CNIH3: variants seen among roughly 807,000 people sequenced by gnomAD.
CNIH3 encodes protein cornichon homolog 3.
A neutral mutation model predicts 24.1 loss-of-function variants in CNIH3; 14 were observed. That is an observed-to-expected ratio of 0.58 (90% confidence interval 0.38 to 0.91). The LOEUF is 0.91. Ranked by LOEUF, CNIH3 falls within the 40% of genes least tolerant of loss-of-function variation. The pLI is 0.00. For missense variants in CNIH3, 178 were observed against 196.8 expected (o/e 0.90, Z 0.57); for synonymous variants, 68 against 73.8 (o/e 0.92, Z 0.40).
intron 1 of CNIH3, among the ~76,000 whole-genome samples, chr1:224,517,928 C>G (rs886284019): frequency 6.6e-6 from 1 of 152,044 alleles, no homozygotes; most frequent in African/African-American, 2.4e-5. Flanking sequence ...ATGGGGGTGC[C>G]TTGAGGAGGG....
chr1:224,715,811 G>T (rs1009115827), intron 3 of CNIH3, among the ~76,000 whole-genome samples: 1 of 152,110 alleles, frequency 6.6e-6, no homozygotes, highest in Non-Finnish European at 1.5e-5. Context: ...ATTCATGAGG[G>T]ATCCGCTCCC....
At chr1:224,529,989 C>A (rs791511) in intron 2 of CNIH3, among the ~76,000 whole-genome samples, 2 of 151,988 alleles carry the variant, frequency 1.3e-5, no homozygotes, top group African/African-American at 4.8e-5. Flanking sequence ...TATTGCTGAG[C>A]GCTTGCTATG....
chr1:224,730,767 G>A (rs1689287209), intron 4 of CNIH3, 193 bp downstream of exon 4: 2 of 530,042 alleles, frequency 3.8e-6, no homozygotes, highest in East Asian at 2.9e-5. Context: ...CCTTTTTGTT[G>A]GTTTCATTAA....
chr1:224,586,921 C>T (rs1681535467), intron 5 of CNIH3, among the ~76,000 whole-genome samples: 1 of 152,148 alleles, frequency 6.6e-6, no homozygotes, highest in Non-Finnish European at 1.5e-5. Flanking sequence ...GAAAGATTCT[C>T]TTCTAAAGAC....
At chr1:224,502,956 G>A (rs747715515) in intron 1 of CNIH3, among the ~76,000 whole-genome samples, 1 of 151,826 alleles carries the variant, frequency 6.6e-6, no homozygotes, top group Non-Finnish European at 1.5e-5. Context: ...TCGGAGCTTT[G>A]GAGGGTGAGG....
At chr1:224,478,232 C>T (rs1356270103) in intron 1 of CNIH3, among the ~76,000 whole-genome samples, 3 of 152,104 alleles carry the variant, frequency 2.0e-5, no homozygotes, top group Admixed American at 1.3e-4. Context: ...CTGTTATTAT[C>T]ATCTTGAATA....
chr1:224,695,306 C>G (rs1037857285), intron 3 of CNIH3, among the ~76,000 whole-genome samples: 2 of 151,840 alleles, frequency 1.3e-5, no homozygotes, highest in African/African-American at 2.4e-5. Context: ...TTTGAACTTA[C>G]CAAATCTCTA....
rs1462349217 is a variant in CNIH3, at chr1:224,462,124, T to C, written n.203+27262T>C. ...TCCCCCATTATCACCATCCGCACCG[T>C]TGGTGTATTTGTTACCATCAATGAA... On this transcript the variant is annotated intron_variant and non_coding_transcript_variant, in intron 1 of 5. Transcript: ENST00000471578. Among the ~76,000 whole-genome samples the C allele has an allele frequency of 7.9e-5, 12 of 152,112 alleles. No individual in the cohort carries two copies. In the South Asian group the frequency reaches 2.5e-3, roughly 32 times the overall value.
chr1:224,636,917 C>G (rs1420907773), intron 1 of CNIH3, among the ~76,000 whole-genome samples: 1 of 149,468 alleles, frequency 6.7e-6, no homozygotes, highest in Non-Finnish European at 1.5e-5. Context: ...AATCTATTAT[C>G]TGTCTATCAT....
At chr1:224,633,404 C>T (rs1683926692) in intron 1 of CNIH3, among the ~76,000 whole-genome samples, 2 of 152,164 alleles carry the variant, frequency 1.3e-5, no homozygotes, top group Admixed American at 1.3e-4. Context: ...AGTGATCCGC[C>T]TGTCTCGGCC....
chr1:224,735,632 G>T (rs1470059374), intron 5 of CNIH3, among the ~76,000 whole-genome samples: 1 of 143,176 alleles, frequency 7.0e-6, no homozygotes, highest in Non-Finnish European at 1.5e-5. Flanking sequence ...GGCTGCATTT[G>T]TCCAGCATTT....
At chr1:224,725,562 C>G (rs1462694508) in intron 3 of CNIH3, among the ~76,000 whole-genome samples, 1 of 152,198 alleles carries the variant, frequency 6.6e-6, no homozygotes, top group East Asian at 1.9e-4. Flanking sequence ...CTACTGTCTT[C>G]AAGATAAACT....
intron 1 of CNIH3, among the ~76,000 whole-genome samples, chr1:224,641,449 G>C (rs1684357729): frequency 6.6e-6 from 1 of 152,136 alleles, no homozygotes; most frequent in South Asian, 2.1e-4. Context: ...AACGCCCTGG[G>C]GTCATCTCCA....
chr1:224,443,828 A>G (rs1289816497), intron 1 of CNIH3, among the ~76,000 whole-genome samples: 2 of 152,214 alleles, frequency 1.3e-5, no homozygotes, highest in Admixed American at 6.5e-5. Flanking sequence ...GGGATAGCCA[A>G]GATGATTTCT....
chr1:224,531,060 C>T (rs189164149), intron 2 of CNIH3, among the ~76,000 whole-genome samples: 4 of 152,326 alleles, frequency 2.6e-5, no homozygotes, highest in African/African-American at 7.2e-5. Flanking sequence ...GGCCTCTCTT[C>T]ATCTTCCAAT....
intron 1 of CNIH3, among the ~76,000 whole-genome samples, chr1:224,636,831 A>T (rs757773495): frequency 2.1e-4 from 32 of 152,238 alleles, no homozygotes; most frequent in Non-Finnish European, 3.8e-4. Flanking sequence ...GATATTGCTT[A>T]GCCCTGAGGA....
At chr1:224,738,036 T>G (rs1052966938) in intron 5 of CNIH3, among the ~76,000 whole-genome samples, 1 of 152,184 alleles carries the variant, frequency 6.6e-6, no homozygotes, top group Non-Finnish European at 1.5e-5. Flanking sequence ...CAGGTTTATT[T>G]CTCTCCATCT....
upstream of CNIH3, among the ~76,000 whole-genome samples, chr1:224,613,041 C>T (rs542271450): frequency 2.6e-5 from 4 of 152,268 alleles, no homozygotes; most frequent in East Asian, 5.8e-4. Context: ...CTTTGTCACC[C>T]GAGGTGGGGT....
chr1:224,617,366 T>C, intron 1 of CNIH3, 111 bp downstream of exon 1: 1 of 1,173,256 alleles, frequency 8.5e-7, no homozygotes, highest in Non-Finnish European at 1.2e-6. Flanking sequence ...AGGTTGGACC[T>C]TCTGCCGCTC....
Sources: gnomAD v4.1 joint callset for allele counts (sites outside exome capture counted in the v4.1 genomes callset) on GRCh38, gnomAD v4.1.1 for gene constraint, MANE v1.5 for transcripts, NCBI Gene and HGNC (gene_info 2026-07-23, HGNC 2026-07-21) for gene names.